APBA2: variants seen among roughly 807,000 people sequenced by gnomAD.
APBA2 encodes amyloid beta precursor protein binding family A member 2.
APBA2 carries 30 observed loss-of-function variants against 75.0 expected under a neutral mutation model. The ratio of observed to expected loss-of-function variants is 0.40; its 90% CI spans 0.30 to 0.54. The LOEUF is 0.54. Among genes scored for constraint, APBA2 ranks in the 20% least tolerant of loss-of-function variants. The probability of loss-of-function intolerance (pLI) is 0.49; values close to 1 mark genes in which losing one functional copy is unlikely to be tolerated. For missense variants in APBA2, 801 were observed against 1,016.1 expected, an observed-to-expected ratio of 0.79 and a Z score of 2.88; for synonymous variants, 444 against 409.6, an observed-to-expected ratio of 1.08 and a Z score of -1.01.
At chr15:29,009,671 T>G (rs1477056677) in intron 3 of APBA2, among the ~76,000 whole-genome samples, 1 of 152,216 alleles carries the variant, frequency 6.6e-6, no homozygotes, top group African/African-American at 2.4e-5. Flanking sequence ...ATAAATGAAT[T>G]TCTACAATAT....
intron 6 of APBA2, among the ~76,000 whole-genome samples, chr15:29,083,950 G>A (rs1452572007): frequency 1.3e-5 from 2 of 152,186 alleles, no homozygotes; most frequent in African/African-American, 4.8e-5. Flanking sequence ...CTGTCCACTT[G>A]TTCAAGCTCA....
intron 14 of APBA2, among the ~76,000 whole-genome samples, chr15:29,114,760 GT>G (rs2044968930): frequency 8.8e-5 from 13 of 147,062 alleles, no homozygotes; most frequent in South Asian, 2.1e-4. Context: ...GTGTGGCTGT[GT>G]GAATGTACCT....
chr15:28,922,319 A>T (rs7178826), intron 2 of APBA2, among the ~76,000 whole-genome samples: 1 of 152,042 alleles, frequency 6.6e-6, no homozygotes, highest in Non-Finnish European at 1.5e-5. Flanking sequence ...CCCAGGCACC[A>T]CCAGTGTGGG....
chr15:28,973,503 A>G (rs915781026), intron 2 of APBA2, among the ~76,000 whole-genome samples: 1 of 152,230 alleles, frequency 6.6e-6, no homozygotes, highest in Non-Finnish European at 1.5e-5. Context: ...GTTGTCACAT[A>G]GAGGATGAAG....
chr15:28,940,705 A>G lies in APBA2; in HGVS notation c.-95+18956A>G, dbSNP rs2035170156. ...CACGGAGCACCCCCAGTCCCGGGTC[A>G]TGTCTTGAAATTCAGTTTTCTGCTG... On this transcript the variant is annotated intron_variant, in intron 2 of 14. Coordinates refer to ENST00000683413, the MANE Select transcript of APBA2 (RefSeq NM_001353788.2). Among the ~76,000 whole-genome samples the G allele has an allele frequency of 2.6e-5, 4 of 152,310 alleles. No individual in the cohort carries two copies. The South Asian group carries it at 8.3e-4, about 32-fold the overall frequency.
At chr15:29,112,316 C>G (rs1360902912) in intron 13 of APBA2, among the ~76,000 whole-genome samples, 2 of 152,232 alleles carry the variant, frequency 1.3e-5, no homozygotes, top group African/African-American at 4.8e-5. Flanking sequence ...CTGATGACCA[C>G]AGAAACATTC....
chr15:29,036,082 C>T (rs1024008477), intron 3 of APBA2, among the ~76,000 whole-genome samples: 50 of 152,098 alleles, frequency 3.3e-4, no homozygotes, highest in Non-Finnish European at 6.9e-4. Flanking sequence ...TGGAGAGGTG[C>T]CAGGGTTCAT....
Position 29,054,022 on chromosome 15 carries a change from G to A in APBA2, c.138G>A (p.Leu46=). 1 of 1,613,892 alleles carries A rather than the reference G, an allele frequency of 6.2e-7. No homozygotes were observed. The highest frequency in any genetic ancestry group is 8.5e-7 in the Non-Finnish European group (1 of 1,180,024). ...LPLEGYVPEG[L]ELAALRPESP... ...TGGAGGGCTATGTGCCCGAGGGCCT[G>A]GAGCTGGCTGCCCTGCGGCCAGAGA... Residue 46 remains leucine, a synonymous_variant, in exon 4 of 15, where the codon CTG becomes CTA. Transcript: ENST00000683413. This position sits in a 1 kb window ranked among gnomAD's most constrained non-coding sequence, Gnocchi z 6.1.
intron 3 of APBA2, among the ~76,000 whole-genome samples, chr15:29,004,112 T>C (rs980692547): frequency 6.6e-6 from 1 of 152,130 alleles, no homozygotes; most frequent in African/African-American, 2.4e-5. Flanking sequence ...CCACACCTGC[T>C]CTCAGGGATG....
rs61521872 is a variant in APBA2 at position 29,052,454 on chromosome 15, C to CAAAAAAAAAAA, written c.-40-1387_-40-1377dup. On this transcript the variant is annotated intron_variant, in intron 3 of 14. Coordinates refer to ENST00000683413, the MANE Select transcript of APBA2 (RefSeq NM_001353788.2). ...TGGGCGACAGAGCGAGACTCCATCT[C>CAAAAAAAAAAA]AAAAAAAAAAAAAAGAAGTAGAACG... Among the ~76,000 whole-genome samples, 123 of 103,076 alleles carry CAAAAAAAAAAA rather than the reference C, an allele frequency of 1.2e-3. 2 individuals are homozygous for CAAAAAAAAAAA. Among genetic ancestry groups the CAAAAAAAAAAA allele is most frequent in the East Asian group, 4.8e-3 (18 of 3,764 alleles). The allele number at this position is 103,076 out of a possible 152,430, so 67.6% of individuals were successfully genotyped here.
chr15:28,941,407 C>T (rs1278116483), intron 2 of APBA2, among the ~76,000 whole-genome samples: 5 of 147,702 alleles, frequency 3.4e-5, no homozygotes, highest in African/African-American at 1.0e-4. Context: ...GGACAGAGGA[C>T]GATGTTTGGC....
intron 3 of APBA2, among the ~76,000 whole-genome samples, chr15:29,011,053 C>T (rs1000499965): frequency 6.6e-5 from 10 of 152,112 alleles, no homozygotes; most frequent in African/African-American, 1.4e-4. Context: ...TTCTACTTTC[C>T]GACTACTCTA....
At chr15:28,955,138 C>T (rs886109700) in intron 2 of APBA2, among the ~76,000 whole-genome samples, 2 of 151,994 alleles carry the variant, frequency 1.3e-5, no homozygotes, top group African/African-American at 2.4e-5. Context: ...TTTTCAACCC[C>T]GTAAAAAATA....
chr15:28,950,671 C>T (rs571460164), intron 2 of APBA2, among the ~76,000 whole-genome samples: 3 of 151,836 alleles, frequency 2.0e-5, no homozygotes, highest in East Asian at 3.9e-4. Context: ...CACCTTCTTT[C>T]CATAGTCCTC....
intron 2 of APBA2, among the ~76,000 whole-genome samples, chr15:28,945,827 G>T (rs764140779): frequency 7.2e-5 from 11 of 152,134 alleles, no homozygotes; most frequent in African/African-American, 2.7e-4. Flanking sequence ...GCTGTTCCCA[G>T]GAAGATTGAT....
intron 10 of APBA2, among the ~76,000 whole-genome samples, chr15:29,104,569 G>A (rs1170331997): frequency 6.6e-6 from 1 of 152,246 alleles, no homozygotes; most frequent in East Asian, 1.9e-4. Flanking sequence ...AAGAAGTGAC[G>A]TGCTTCATGG....
chr15:29,102,277 C>T (rs1183568397), intron 10 of APBA2: 2 of 217,332 alleles, frequency 9.2e-6, no homozygotes, highest in East Asian at 2.5e-4. Context: ...TGGCTCCCTC[C>T]TTGGCTGGAG....
At chr15:29,042,946 T>G (rs2041125937) in intron 3 of APBA2, among the ~76,000 whole-genome samples, 2 of 152,142 alleles carry the variant, frequency 1.3e-5, no homozygotes, top group South Asian at 4.1e-4. Context: ...TGCCCTCTTA[T>G]CTGGACCCTC....
intron 9 of APBA2, among the ~76,000 whole-genome samples, chr15:29,099,987 T>G (rs985289293): frequency 6.6e-6 from 1 of 152,204 alleles, no homozygotes; most frequent in Non-Finnish European, 1.5e-5. Context: ...CTTTCCCTTC[T>G]GGATCTTTGG....
Sources: gnomAD v4.1 joint callset for allele counts (sites outside exome capture counted in the v4.1 genomes callset) on GRCh38, gnomAD v4.1.1 for gene constraint, Gnocchi (gnomAD v3.1) non-coding constraint, MANE v1.5 for transcripts, NCBI Gene and HGNC (gene_info 2026-07-23, HGNC 2026-07-21) for gene names.